The following TFDP2 variants were observed in gnomAD, a reference collection of about 807,000 sequenced individuals.
TFDP2 encodes transcription factor Dp-2, also known as transcription factor Dp-2 (E2F dimerization partner 2).
Under a neutral mutation model 59.3 loss-of-function variants are expected in TFDP2, and 17 were observed. The ratio of observed to expected loss-of-function variants is 0.29; its 90% CI spans 0.20 to 0.43. The LOEUF (loss-of-function observed/expected upper bound fraction) is 0.43. TFDP2 is among the 20% of genes least tolerant of loss of function. TFDP2 has a pLI of 1.00. For synonymous variants in TFDP2, 180 were observed against 194.7 expected, an observed-to-expected ratio of 0.92 and a Z score of 0.63; for missense variants, 391 against 528.8, an observed-to-expected ratio of 0.74 and a Z score of 2.56.
chr3:142,143,509 A>T (rs570952534), intron 1 of TFDP2, among the ~76,000 whole-genome samples: 179 of 152,342 alleles, frequency 1.2e-3, no homozygotes, highest in African/African-American at 3.5e-3. Context: ...CTATCTGACA[A>T]GAGATTTATA....
chr3:142,090,225 G>T (rs1474021482), intron 3 of TFDP2, among the ~76,000 whole-genome samples: 1 of 152,058 alleles, frequency 6.6e-6, no homozygotes, highest in Non-Finnish European at 1.5e-5. Context: ...CTACTCCAGA[G>T]GTTTGAACTC....
intron 4 of TFDP2, among the ~76,000 whole-genome samples, chr3:142,000,533 A>G (rs1013521562): frequency 6.6e-6 from 1 of 152,304 alleles, no homozygotes; most frequent in South Asian, 2.1e-4. Context: ...TTCAAACCAC[A>G]GCATCCAGTT....
At position 141,952,567 on chromosome 3, in the gene TFDP2, C is replaced by A. The variant is rs768086644; in HGVS notation, c.1287G>T (p.Ser429=). ...CSESRGETPC[S]FNDEDEEDDE... ...CATCTTCCTCATCTTCATCATTGAA[C>A]GAACAGGGGGTCTCGCCTCGGGACT... is the stretch of plus-strand genomic sequence containing the variant. The change falls in exon 13 of 13, where the codon TCG becomes TCT. Residue 429 remains serine, a synonymous_variant. Coordinates refer to ENST00000489671, the MANE Select transcript of TFDP2 (RefSeq NM_001178139.2). 1 of 1,561,522 alleles carries A rather than the reference C, an allele frequency of 6.4e-7. No individual in the cohort carries two copies. The highest frequency in any genetic ancestry group is 8.6e-7 in the Non-Finnish European group (1 of 1,163,968).
chr3:142,148,952 T>TC (rs1434745924), intron 1 of TFDP2, among the ~76,000 whole-genome samples: 1 of 152,058 alleles, frequency 6.6e-6, no homozygotes, highest in East Asian at 1.9e-4. Flanking sequence ...GGACGTTACC[T>TC]CCCCCGATTT....
chr3:141,993,919 C>T (rs185638598), intron 5 of TFDP2, among the ~76,000 whole-genome samples: 70 of 152,346 alleles, frequency 4.6e-4, no homozygotes, highest in African/African-American at 1.3e-3. Flanking sequence ...ATATAAAGCA[C>T]AAATGGGGCT....
intron 1 of TFDP2, among the ~76,000 whole-genome samples, chr3:142,126,929 G>A (rs1441546297): frequency 8.3e-6 from 1 of 120,172 alleles, no homozygotes; most frequent in Admixed American, 8.4e-5. Flanking sequence ...CTGGGTGACA[G>A]AGTGAGACCT....
At chr3:141,972,584 C>T (rs532426223) in intron 8 of TFDP2, among the ~76,000 whole-genome samples, 25 of 152,178 alleles carry the variant, frequency 1.6e-4, no homozygotes, top group Non-Finnish European at 3.5e-4. Context: ...GCCTTGAAGG[C>T]CCTCCCCACC....
At chr3:142,041,321 C>T (rs1287963000) in intron 3 of TFDP2, among the ~76,000 whole-genome samples, 1 of 152,222 alleles carries the variant, frequency 6.6e-6, no homozygotes, top group Non-Finnish European at 1.5e-5. Context: ...GCTGTGGCCC[C>T]ACCAAAATCT....
chr3:141,955,577 AC>A (rs1427520967), intron 11 of TFDP2, among the ~76,000 whole-genome samples: 3 of 152,156 alleles, frequency 2.0e-5, no homozygotes, highest in Non-Finnish European at 4.4e-5. Context: ...AATGGTGCCA[AC>A]CGAAGAACTA....
At chr3:141,973,289 T>C (rs1300293291) in intron 8 of TFDP2, among the ~76,000 whole-genome samples, 4 of 151,710 alleles carry the variant, frequency 2.6e-5, no homozygotes, top group African/African-American at 9.7e-5. Context: ...AATTTTTGTA[T>C]TTTTAGTAGA....
At chr3:141,965,119 T>TTTCCGCCTCCCGGG (rs1235894009) in intron 9 of TFDP2, among the ~76,000 whole-genome samples, 2 of 152,052 alleles carry the variant, frequency 1.3e-5, no homozygotes, top group African/African-American at 4.8e-5. Context: ...TACGATAGAA[T>TTTCCGCCTCCCGGG]TTCACAGCTA....
chr3:142,092,978 G>A lies in TFDP2; in HGVS notation c.82+83C>T, dbSNP rs1576962760. 3.4e-6 allele frequency: 3 copies of A among 888,748 alleles called. No individual in the cohort carries two copies. The East Asian group carries it at 8.2e-5, about 24-fold the overall frequency. 55.1% of individuals were successfully genotyped at this position (888,748 alleles called of 1,614,324 possible). On this transcript the variant is annotated intron_variant, in intron 3 of 12. Coordinates refer to ENST00000489671, the MANE Select transcript of TFDP2 (RefSeq NM_001178139.2). ...ATATCATAAAATTATTATACATAAA[G>A]TAATTCATGTAGCTGCATATTTTAC...
intron 1 of TFDP2, among the ~76,000 whole-genome samples, chr3:142,129,932 GA>G (rs1358861856): frequency 6.6e-6 from 1 of 152,044 alleles, no homozygotes; most frequent in Non-Finnish European, 1.5e-5. Flanking sequence ...CAAACAAACA[GA>G]AAATAACAAG....
At chr3:141,974,762 T>C (rs1248671040) in intron 7 of TFDP2, among the ~76,000 whole-genome samples, 1 of 152,130 alleles carries the variant, frequency 6.6e-6, no homozygotes, top group African/African-American at 2.4e-5. Context: ...TGGGTAAAAC[T>C]GTGCTTCTCA....
chr3:142,051,399 C>A (rs1489243753), intron 3 of TFDP2, among the ~76,000 whole-genome samples: 1 of 151,904 alleles, frequency 6.6e-6, no homozygotes, highest in Non-Finnish European at 1.5e-5. Context: ...ATTGGCTGGG[C>A]GTGGTGGTGT....
At chr3:142,123,525 C>T (rs1034842610) in intron 1 of TFDP2, among the ~76,000 whole-genome samples, 2 of 152,140 alleles carry the variant, frequency 1.3e-5, no homozygotes, top group African/African-American at 4.8e-5. Context: ...CCCTAGGCCT[C>T]CCAAAGTGCT....
intron 3 of TFDP2, among the ~76,000 whole-genome samples, chr3:142,083,137 T>G (rs2060696650): frequency 6.6e-6 from 1 of 152,166 alleles, no homozygotes; most frequent in Non-Finnish European, 1.5e-5. Flanking sequence ...ACAAAAAAAC[T>G]ATTAGAATTG....
chr3:142,088,791 T>C (rs2060899124), intron 3 of TFDP2, among the ~76,000 whole-genome samples: 1 of 151,536 alleles, frequency 6.6e-6, no homozygotes, highest in Admixed American at 6.6e-5. Context: ...ATCTTTCTTA[T>C]CAGTGCTGCT....
At chr3:141,983,064 A>C (rs1456529804) in intron 6 of TFDP2, among the ~76,000 whole-genome samples, 2 of 152,236 alleles carry the variant, frequency 1.3e-5, no homozygotes, top group Non-Finnish European at 2.9e-5. Context: ...ATATAAAACC[A>C]AAGGGCACTA....
Sources: gnomAD v4.1 joint callset for allele counts (sites outside exome capture counted in the v4.1 genomes callset) on GRCh38, gnomAD v4.1.1 for gene constraint, MANE v1.5 for transcripts, NCBI Gene and HGNC (gene_info 2026-07-23, HGNC 2026-07-21) for gene names.